Variants in SMC1B observed in about 807,000 individuals in gnomAD.
The protein encoded by SMC1B is structural maintenance of chromosomes 1B, also known as structural maintenance of chromosomes protein 1B.
Under a neutral mutation model 157.9 loss-of-function variants are expected in SMC1B, and 60 were observed. The observed-to-expected ratio is 0.38, with a 90% CI of 0.31 to 0.47. SMC1B has a LOEUF of 0.47. Among genes scored for constraint, SMC1B ranks in the 20% least tolerant of loss-of-function variants. SMC1B has a pLI of 0.99. For missense variants in SMC1B, 1,165 were observed against 1,426.2 expected (o/e 0.82, Z 2.95); for synonymous variants, 445 against 483.0 (o/e 0.92, Z 1.03).
In SMC1B at chr22:45,358,732, C is replaced by T. The variant is rs765142523; in HGVS notation, c.2926G>A (p.Glu976Lys). ...IDIYEKEEAF[E>K]IDYSSLKEDL... is the part of the protein sequence containing the mutation. ...TCTTTTAGAGAGCTGTAGTCTATTT[C>T]AAAGGCTTCTTCTTTTTCATAGATA... The change falls in exon 19 of 25, where the codon GAA (glutamate) becomes AAA (lysine). Residue 976 changes from glutamate (E) to lysine (K), a missense_variant. Coordinates refer to ENST00000357450, the MANE Select transcript of SMC1B (RefSeq NM_148674.5). The T allele has an allele frequency of 6.2e-7, 1 of 1,612,988 alleles. No individual in the cohort carries two copies. Among genetic ancestry groups the T allele is most frequent in the East Asian group, 2.2e-5 (1 of 44,782 alleles).
At chr22:45,353,298 A>G (rs1346841595) in intron 21 of SMC1B, among the ~76,000 whole-genome samples, 1 of 151,920 alleles carries the variant, frequency 6.6e-6, no homozygotes, top group Non-Finnish European at 1.5e-5. Flanking sequence ...AAGAAAAAAA[A>G]AAAGGGTTAA....
intron 1 of SMC1B, among the ~76,000 whole-genome samples, chr22:45,411,611 T>G (rs1258264572): frequency 6.6e-6 from 1 of 152,210 alleles, no homozygotes; most frequent in Non-Finnish European, 1.5e-5. Context: ...TGAGATGCAG[T>G]CTTGTTCTGT....
rs778862121 is a variant in SMC1B at position 45,345,581 on chromosome 22, A to G, written c.3496-12T>C. Reference sequence around the variant, plus strand: ...ATGTAACTTGACACCTGGAAGAAATAAAAACACACATTTCACTAGGAAGGA... The same window carrying G: ...ATGTAACTTGACACCTGGAAGAAATGAAAACACACATTTCACTAGGAAGGA... On this transcript the variant is annotated splice_polypyrimidine_tract_variant and intron_variant, in intron 23 of 24. Coordinates refer to ENST00000357450, the MANE Select transcript of SMC1B (RefSeq NM_148674.5). 2 of 1,498,344 alleles carry G rather than the reference A, an allele frequency of 1.3e-6. No individual in the cohort carries two copies. The highest frequency in any genetic ancestry group is 2.3e-5 in the South Asian group (2 of 88,624). 92.8% of individuals were successfully genotyped at this position (1,498,344 alleles called of 1,614,324 possible). A position where few individuals can be genotyped will look rare whatever the true frequency, so the allele number is the denominator to read the frequency against.
At chr22:45,408,361 G>A (rs1161201273) in intron 2 of SMC1B, among the ~76,000 whole-genome samples, 1 of 152,096 alleles carries the variant, frequency 6.6e-6, no homozygotes, top group Non-Finnish European at 1.5e-5. Flanking sequence ...ACCTGACCTC[G>A]TGATCCGCCC....
intron 10 of SMC1B, 37 bp from the exon 11 acceptor site, chr22:45,387,083 C>T (rs756534861): frequency 2.7e-6 from 4 of 1,508,930 alleles, no homozygotes; most frequent in Admixed American, 1.9e-5. Flanking sequence ...GTTACATACA[C>T]TGAAATAAAA....
At chr22:45,348,472 C>T (rs1468726358) in intron 23 of SMC1B, among the ~76,000 whole-genome samples, 1 of 152,154 alleles carries the variant, frequency 6.6e-6, no homozygotes, top group Admixed American at 6.5e-5. Context: ...GGATTTTAAA[C>T]TTTAATTCTT....
intron 12 of SMC1B, among the ~76,000 whole-genome samples, chr22:45,375,339 C>A (rs2086874265): frequency 6.6e-6 from 1 of 152,138 alleles, no homozygotes; most frequent in Non-Finnish European, 1.5e-5. Context: ...CTCATTTCTC[C>A]CTAAAATGTA....
chr22:45,347,434 T>G (rs1243563014), intron 23 of SMC1B, among the ~76,000 whole-genome samples: 3 of 152,226 alleles, frequency 2.0e-5, no homozygotes, highest in African/African-American at 7.2e-5. Flanking sequence ...GTACCTCAGG[T>G]TGCAGCTACC....
At chr22:45,367,028 T>A (rs989172043) in intron 15 of SMC1B, among the ~76,000 whole-genome samples, 1 of 152,178 alleles carries the variant, frequency 6.6e-6, no homozygotes, top group Non-Finnish European at 1.5e-5. Context: ...TGCTTTTCTG[T>A]TATTTTGGAG....
intron 12 of SMC1B, among the ~76,000 whole-genome samples, chr22:45,378,651 T>A (rs136582): frequency 0.12 from 18,201 of 152,216 alleles, 1,256 homozygotes; most frequent in South Asian, 0.24. Flanking sequence ...TTCTTTTCCC[T>A]AATTCAACCA....
At chr22:45,349,940 A>C (rs1164592274) in intron 22 of SMC1B, 143 bp from the exon 23 acceptor site, 1 of 662,528 alleles carries the variant, frequency 1.5e-6, no homozygotes, top group Non-Finnish European at 2.5e-6. Flanking sequence ...TATGTTACTA[A>C]ATCCAGTGCT....
chr22:45,353,922 A>AAAAAAAAAAAAAC, intron 21 of SMC1B, 56 bp downstream of exon 21: 1 of 1,033,196 alleles, frequency 9.7e-7, no homozygotes. Flanking sequence ...AAAAAAAAAC[A>AAAAAAAAAAAAAC]ACCACCACCG....
intron 7 of SMC1B, among the ~76,000 whole-genome samples, chr22:45,395,633 G>A (rs2087114106): frequency 6.6e-6 from 1 of 152,154 alleles, no homozygotes; most frequent in South Asian, 2.1e-4. Context: ...TGAGGAGGAT[G>A]GATCACCTGA....
chr22:45,396,771 G>A (rs1402683450), intron 6 of SMC1B, among the ~76,000 whole-genome samples: 1 of 151,790 alleles, frequency 6.6e-6, no homozygotes, highest in African/African-American at 2.4e-5. Flanking sequence ...ACGGCTCACT[G>A]CAGCTTTGGC....
chr22:45,387,094 A>T, intron 10 of SMC1B, 48 bp from the exon 11 acceptor site: 1 of 1,440,824 alleles, frequency 6.9e-7, no homozygotes, highest in South Asian at 1.2e-5. Context: ...TGAAATAAAA[A>T]CCAAATGTTC....
rs374058306 is a variant in SMC1B at position 45,389,847 on chromosome 22, C to T, written c.1596G>A (p.Leu532=). The T allele has an allele frequency of 5.0e-6, 8 of 1,614,050 alleles. No homozygotes were observed. The East Asian group carries it at 6.7e-5, about 13-fold the overall frequency. Reference sequence around the variant, plus strand: ...ACCGGCCAAAAACCTTAGTAACAGCCAGCTGGTATTTCTTATGAATAGGAT... The same window carrying T: ...ACCGGCCAAAAACCTTAGTAACAGCTAGCTGGTATTTCTTATGAATAGGAT... The part of the protein sequence containing the change: ...LCHPIHKKYQ[L]AVTKVFGRFI... Residue 532 remains leucine, a synonymous_variant, in exon 10 of 25, where the codon CTG becomes CTA. Transcript: ENST00000357450.
At position 45,345,562 on chromosome 22, in the gene SMC1B, CTT is replaced by C; in HGVS notation, c.3501_3502del (p.Ser1168LeufsTer34). The C allele has an allele frequency of 6.3e-7, 1 of 1,597,326 alleles. No homozygotes were observed. The highest frequency in any genetic ancestry group is 8.6e-7 in the Non-Finnish European group (1 of 1,164,782). On this transcript the variant is annotated frameshift_variant, in exon 24 of 25. Coordinates refer to ENST00000357450, the MANE Select transcript of SMC1B (RefSeq NM_148674.5). LOFTEE classifies it high-confidence loss of function. ...GTCTTGAGTTTGCTCTTTGATGTAA[CTT>C]GACACCTGGAAGAAATAAAAACACA...
chr22:45,360,413 A>G (rs1331797306), intron 17 of SMC1B, among the ~76,000 whole-genome samples: 1 of 152,166 alleles, frequency 6.6e-6, no homozygotes, highest in Non-Finnish European at 1.5e-5. Flanking sequence ...ATGATGTGAG[A>G]TTTTTAAAGG....
chr22:45,349,847 A>T (rs1481926730), intron 22 of SMC1B, 50 bp from the exon 23 acceptor site: 1 of 1,415,700 alleles, frequency 7.1e-7, no homozygotes. Context: ...TTTGTTTTAC[A>T]AAAGACTTGG....
Sources: gnomAD v4.1 joint callset for allele counts (sites outside exome capture counted in the v4.1 genomes callset) on GRCh38, gnomAD v4.1.1 for gene constraint, MANE v1.5 for transcripts, NCBI Gene and HGNC (gene_info 2026-07-23, HGNC 2026-07-21) for gene names.